TRIOBP: variants seen among roughly 807,000 people sequenced by gnomAD.
The protein encoded by TRIOBP is TRIO and F-actin binding protein, also known as TRIO and F-actin-binding protein.
TRIOBP carries 169 observed loss-of-function variants against 238.8 expected under a neutral mutation model. That is an observed-to-expected ratio of 0.71 (90% CI 0.62 to 0.80). The LOEUF (loss-of-function observed/expected upper bound fraction) is 0.80, where lower values mean the gene tolerates loss of function less well. Ranked by LOEUF, TRIOBP falls within the 30% of genes least tolerant of loss-of-function variation. The pLI, the probability that TRIOBP is intolerant of heterozygous loss-of-function variation, is 0.00. For missense variants in TRIOBP, 2,838 were observed against 3,122.6 expected, an observed-to-expected ratio of 0.91 and a Z score of 2.17; for synonymous variants, 1,150 against 1,274.4, an observed-to-expected ratio of 0.90 and a Z score of 2.08.
In TRIOBP at chr22:37,771,724, G is replaced by C. The variant is rs368207723; in HGVS notation, c.6924G>C (p.Gln2308His). 2 of 1,614,054 alleles carry C rather than the reference G, an allele frequency of 1.2e-6. No homozygotes were observed. Among genetic ancestry groups the C allele is most frequent in the Non-Finnish European group, 1.7e-6 (2 of 1,180,034 alleles). ...KEVQCLRDELQMMQKDKRFTS... is the reference protein window; with the variant it reads ...KEVQCLRDELHMMQKDKRFTS... ...TGCAGTGCCTCCGGGACGAGCTCCA[G>C]ATGATGCAGAAGGTAGGTCCTTCCG... Residue 2308 changes from glutamine to histidine, a missense_variant, in exon 22 of 24, where the codon CAG (glutamine) becomes CAC (histidine). Physicochemically the swap from Gln to His is conservative, Grantham distance 24. Around this residue, in one of 5 missense-constraint regions of TRIOBP, gnomAD observed 2,096 missense variants for 2,137.4 expected, o/e 0.98. Coordinates refer to ENST00000644935, the MANE Select transcript of TRIOBP (RefSeq NM_001039141.3).
intron 2 of TRIOBP, among the ~76,000 whole-genome samples, chr22:37,699,885 T>C (rs1255235024): frequency 6.6e-6 from 1 of 151,420 alleles, no homozygotes; most frequent in African/African-American, 2.4e-5. Flanking sequence ...TATTTATTTA[T>C]TTATTTATTT....
intron 19 of TRIOBP, among the ~76,000 whole-genome samples, 153 bp from the exon 20 acceptor site, chr22:37,768,875 A>G (rs923370028): frequency 6.6e-6 from 1 of 152,058 alleles, no homozygotes; most frequent in African/African-American, 2.4e-5. Flanking sequence ...AGCCCAGAGA[A>G]GCTGTCACTG....
Position 37,718,529 on chromosome 22 carries a change from A to G in TRIOBP, c.628+2595A>G, listed in dbSNP as rs190844629. ...CCCCAGAGTGGGGCAAACCAACATA[A>G]TATGCCCCCTGATATGATGCATGGG... On this transcript the variant is annotated intron_variant, in intron 6 of 23. Coordinates refer to ENST00000644935, the MANE Select transcript of TRIOBP (RefSeq NM_001039141.3). Among the ~76,000 whole-genome samples the G allele has an allele frequency of 4.5e-4, 63 of 141,276 alleles. 1 individual carries two copies. The highest frequency in any genetic ancestry group is 3.1e-5 in the Non-Finnish European group (2 of 65,484). 92.7% of individuals were successfully genotyped at this position (141,276 alleles called of 152,430 possible).
chr22:37,747,720 C>T (rs1020751612), intron 11 of TRIOBP, among the ~76,000 whole-genome samples: 1 of 152,252 alleles, frequency 6.6e-6, no homozygotes, highest in Non-Finnish European at 1.5e-5. Context: ...GGTGCTTTCA[C>T]GTTACCAGAT....
At chr22:37,759,668 TG>T in intron 17 of TRIOBP, 1 of 1,525,752 alleles carries the variant, frequency 6.6e-7, no homozygotes, top group South Asian at 1.2e-5. Context: ...CGAGGCCCAC[TG>T]GGCCAAGGCC....
At chr22:37,753,467 CAG>C (rs1291948906) in intron 12 of TRIOBP, among the ~76,000 whole-genome samples, 1 of 152,116 alleles carries the variant, frequency 6.6e-6, no homozygotes, top group Non-Finnish European at 1.5e-5. Flanking sequence ...TTAGTAGAGA[CAG>C]GGTTTCTCCA....
chr22:37,750,570 C>T, intron 11 of TRIOBP: 1 of 460,964 alleles, frequency 2.2e-6, no homozygotes, highest in South Asian at 1.6e-5. Flanking sequence ...GGGCAGAATA[C>T]AGAGCAGCGG....
In TRIOBP at chr22:37,765,695, A is replaced by C; in HGVS notation, c.6350A>C (p.Glu2117Ala). 6.4e-7 allele frequency: 1 copy of C among 1,552,876 alleles called. No individual in the cohort carries two copies. The highest frequency in any genetic ancestry group is 8.7e-7 in the Non-Finnish European group (1 of 1,148,714). Reference protein sequence around the residue: ...SQEACERSLAEMESSHQQVME... With the variant: ...SQEACERSLAAMESSHQQVME... Reference sequence around the variant, plus strand: ...GAGGCATGTGAGCGCAGCCTGGCAGAGATGGAGTCCTCGCACCAGCAGGTG... The same window carrying C: ...GAGGCATGTGAGCGCAGCCTGGCAGCGATGGAGTCCTCGCACCAGCAGGTG... Residue 2117 changes from glutamate to alanine, a missense_variant, in exon 18 of 24, where the codon GAG (glutamate) becomes GCG (alanine). Physicochemically the swap from Glu to Ala is moderately radical, Grantham distance 107. Around this residue, in one of 5 missense-constraint regions of TRIOBP, gnomAD observed 2,096 missense variants for 2,137.4 expected, o/e 0.98. Coordinates refer to ENST00000644935, the MANE Select transcript of TRIOBP (RefSeq NM_001039141.3).
chr22:37,734,795 A>G lies in TRIOBP; in HGVS notation c.4459A>G (p.Ser1487Gly). The change falls in exon 9 of 24, where the codon AGC becomes GGC. Residue 1487 changes from serine to glycine, a missense_variant. By Grantham distance (56) the Ser-to-Gly change is moderately conservative. This residue lies in a region of TRIOBP where 2,096 missense variants were observed against 2,137.4 expected (regional missense o/e 0.98). Coordinates refer to ENST00000644935, the MANE Select transcript of TRIOBP (RefSeq NM_001039141.3). ...GGGCACTTCCAGGGAGTACAAGGAG[A>G]GCTGGGGGCAGCCAGAGGCCTGGGA... ...WGGTSREYKE[S>G]WGQPEAWEEK... 6.2e-7 allele frequency: 1 copy of G among 1,612,216 alleles called. No individual in the cohort carries two copies. The highest frequency in any genetic ancestry group is 8.5e-7 in the Non-Finnish European group (1 of 1,179,764).
rs56211417 is a variant in TRIOBP at position 37,768,601 on chromosome 22, G to A, written c.6575+425G>A. Among the ~76,000 whole-genome samples, 1,273 of 152,234 alleles carry A rather than the reference G, an allele frequency of 8.4e-3. 8 individuals are homozygous for A. Among genetic ancestry groups the A allele is most frequent in the African/African-American group, 0.023 (945 of 41,554 alleles). Reference sequence around the variant, plus strand: ...TTTGGGAGGCTGGGATCAGGAGTTCGAGACTAGCCTGGCCAACATGGTGAA... The same window carrying A: ...TTTGGGAGGCTGGGATCAGGAGTTCAAGACTAGCCTGGCCAACATGGTGAA... On this transcript the variant is annotated intron_variant, in intron 19 of 23. Transcript: ENST00000644935.
chr22:37,751,900 G>A, intron 12 of TRIOBP, 72 bp downstream of exon 12: 7 of 1,542,306 alleles, frequency 4.5e-6, no homozygotes, highest in Middle Eastern at 3.8e-4. Flanking sequence ...GCCCAGGAGT[G>A]GGGGTGGGGC....
rs748965676 is a variant in TRIOBP at position 37,763,952 on chromosome 22, C to T, written c.6325-1718C>T. On this transcript the variant is annotated intron_variant, in intron 17 of 23. Coordinates refer to ENST00000644935, the MANE Select transcript of TRIOBP (RefSeq NM_001039141.3). ...GTGGCCGTCCGCGTCCCTTGGCTCT[C>T]GGCCCCTTCCTTCATCTTCAAAGCC... is the stretch of plus-strand genomic sequence containing the variant. Among the ~76,000 whole-genome samples, 12 of 152,224 alleles carry T rather than the reference C, an allele frequency of 7.9e-5. No individual in the cohort carries two copies. The South Asian group carries it at 1.9e-3, about 24-fold the overall frequency.
chr22:37,733,473 C>T (rs905887063), intron 8 of TRIOBP, 61 bp downstream of exon 8: 2 of 1,316,448 alleles, frequency 1.5e-6, no homozygotes, highest in Non-Finnish European at 2.1e-6. Flanking sequence ...CCTCTTCCCT[C>T]CCGCTAGAAG....
rs1196662024 is a variant in TRIOBP, at chr22:37,775,116, T to A, written c.*1336T>A. The A allele has an allele frequency of 6.6e-6, 1 of 152,178 alleles. No individual in the cohort carries two copies. The highest frequency in any genetic ancestry group is 2.4e-5 in the African/African-American group (1 of 41,430). 9.4% of individuals were successfully genotyped at this position (152,178 alleles called of 1,614,324 possible). A position where few individuals can be genotyped will look rare whatever the true frequency, so the allele number is the denominator to read the frequency against. Reference sequence around the variant, plus strand: ...TGGGGCTGGGAAGAGGTCCCATTTCTGAGCCACAGAAACAGGCCACATCCA... The same window carrying A: ...TGGGGCTGGGAAGAGGTCCCATTTCAGAGCCACAGAAACAGGCCACATCCA... On this transcript the variant is annotated 3_prime_UTR_variant, in exon 24 of 24. Transcript: ENST00000644935.
chr22:37,763,344 G>A (rs371949700), intron 17 of TRIOBP, among the ~76,000 whole-genome samples: 1 of 152,308 alleles, frequency 6.6e-6, no homozygotes, highest in East Asian at 1.9e-4. Context: ...GGTGAAGACC[G>A]CCTCTGAGGT....
At chr22:37,772,561 G>C in intron 22 of TRIOBP, 40 bp from the exon 23 acceptor site, 3 of 1,613,484 alleles carry the variant, frequency 1.9e-6, no homozygotes, top group Non-Finnish European at 2.5e-6. Context: ...GGGCTGGAGG[G>C]AGAGACTTCA....
chr22:37,771,908 G>A, intron 22 of TRIOBP, 172 bp downstream of exon 22: 3 of 714,054 alleles, frequency 4.2e-6, no homozygotes, highest in Non-Finnish European at 7.6e-6. Context: ...GGGAAACTGA[G>A]ACTAAGAAAG....
intron 6 of TRIOBP, among the ~76,000 whole-genome samples, chr22:37,719,845 C>T (rs935931593): frequency 2.7e-5 from 4 of 149,450 alleles, no homozygotes; most frequent in Admixed American, 6.8e-5. Context: ...GCTTGGCTTT[C>T]GGTACTGTCT....
At position 37,765,660 on chromosome 22, in the gene TRIOBP, C is replaced by A. The variant is rs727503527; in HGVS notation, c.6325-10C>A. 1 of 1,549,238 alleles carries A rather than the reference C, an allele frequency of 6.5e-7. No individual in the cohort carries two copies. Among genetic ancestry groups the A allele is most frequent in the East Asian group, 2.4e-5 (1 of 40,928 alleles). On this transcript the variant is annotated splice_polypyrimidine_tract_variant and intron_variant, in intron 17 of 23. Coordinates refer to ENST00000644935, the MANE Select transcript of TRIOBP (RefSeq NM_001039141.3). ...GGGCAGCCTGTGACACCCTGGCGTCCGGCCCACAGGAGGCATGTGAGCGCA... is the reference window on the plus strand; with the variant it reads ...GGGCAGCCTGTGACACCCTGGCGTCAGGCCCACAGGAGGCATGTGAGCGCA...
Sources: gnomAD v4.1 joint callset for allele counts (sites outside exome capture counted in the v4.1 genomes callset) on GRCh38, gnomAD v4.1.1 for gene constraint, gnomAD v4.1.1 regional missense constraint, MANE v1.5 for transcripts, NCBI Gene and HGNC (gene_info 2026-07-23, HGNC 2026-07-21) for gene names.